The following GPBP1 variants were observed in gnomAD, a reference collection of about 807,000 sequenced individuals.
GPBP1 encodes the protein GC-rich promoter binding protein 1.
A neutral mutation model predicts 56.5 loss-of-function variants in GPBP1; 13 were observed. The observed-to-expected ratio is 0.23, with a 90% CI of 0.15 to 0.37. GPBP1 has a LOEUF of 0.37. GPBP1 is among the 10% of genes least tolerant of loss of function. The probability of loss-of-function intolerance (pLI) is 1.00; values close to 1 mark genes in which losing one functional copy is unlikely to be tolerated. For missense variants in GPBP1, 477 were observed against 572.3 expected (o/e 0.83, Z 1.70); for synonymous variants, 204 against 188.9 (o/e 1.08, Z -0.66).
chr5:57,193,765 A>G (rs1213479166), intron 2 of GPBP1, among the ~76,000 whole-genome samples: 2 of 152,012 alleles, frequency 1.3e-5, no homozygotes, highest in Non-Finnish European at 2.9e-5. Context: ...TCAGTTTCAG[A>G]AAAAAAATGG....
At chr5:57,200,858 T>G (rs1364360431) in intron 2 of GPBP1, among the ~76,000 whole-genome samples, 1 of 152,090 alleles carries the variant, frequency 6.6e-6, no homozygotes, top group Non-Finnish European at 1.5e-5. Context: ...GTTTATATTT[T>G]TAGTAGAGAT....
intron 2 of GPBP1, among the ~76,000 whole-genome samples, chr5:57,182,358 A>G (rs1274308682): frequency 6.7e-6 from 1 of 150,150 alleles, no homozygotes; most frequent in East Asian, 2.0e-4. Context: ...TGCTGGGATT[A>G]TAGCCATGAG....
At chr5:57,249,325 T>C (rs1741250359) in intron 8 of GPBP1, 84 bp from the exon 9 acceptor site, 3 of 1,002,574 alleles carry the variant, frequency 3.0e-6, no homozygotes, top group Non-Finnish European at 4.4e-6. Context: ...AAAGGTAAAA[T>C]AGGAAGCTGT....
chr5:57,177,993 G>A (rs1043499371), intron 2 of GPBP1, among the ~76,000 whole-genome samples: 3 of 151,844 alleles, frequency 2.0e-5, no homozygotes, highest in Non-Finnish European at 4.4e-5. Context: ...GTTTCCCTTT[G>A]TTATAATAGA....
chr5:57,232,875 T>C (rs1756518889), intron 5 of GPBP1, among the ~76,000 whole-genome samples: 1 of 152,182 alleles, frequency 6.6e-6, no homozygotes, highest in South Asian at 2.1e-4. Flanking sequence ...AACATAGGCA[T>C]GAGTCATCAT....
At chr5:57,211,808 G>T (rs2111752264) in intron 2 of GPBP1, among the ~76,000 whole-genome samples, 1 of 151,926 alleles carries the variant, frequency 6.6e-6, no homozygotes. Flanking sequence ...CCAACCTCAG[G>T]TGATCTGCCC....
Position 57,193,676 on chromosome 5 carries a change from C to T in GPBP1, c.-58+17276C>T, listed in dbSNP as rs190027748. On this transcript the variant is annotated intron_variant, in intron 2 of 11. Coordinates refer to ENST00000506184, the MANE Select transcript of GPBP1 (RefSeq NM_022913.4). ...CTGTCTTTGTTAGTGCTATCTGGTT[C>T]GTAGGATTAGGCGTGTTTAAAAAAT... is the stretch of plus-strand genomic sequence containing the variant. Among the ~76,000 whole-genome samples the T allele has an allele frequency of 2.0e-3, 291 of 147,356 alleles. 1 individual carries two copies. Among genetic ancestry groups the T allele is most frequent in the Admixed American group, 3.7e-3 (54 of 14,722 alleles).
intron 3 of GPBP1, among the ~76,000 whole-genome samples, chr5:57,218,715 TCTA>T (rs1755802713): frequency 6.6e-6 from 1 of 152,318 alleles, no homozygotes; most frequent in Non-Finnish European, 1.5e-5. Flanking sequence ...TCCGCCTGCC[TCTA>T]CCTCCCAGTG....
At chr5:57,198,771 C>G (rs1754874512) in intron 2 of GPBP1, among the ~76,000 whole-genome samples, 1 of 152,136 alleles carries the variant, frequency 6.6e-6, no homozygotes, top group Non-Finnish European at 1.5e-5. Flanking sequence ...TTGCTTGAAC[C>G]TCGGTGGCAG....
chr5:57,237,450 A>G (rs1740576138), intron 6 of GPBP1: 1 of 361,954 alleles, frequency 2.8e-6, no homozygotes, highest in East Asian at 4.7e-5. Flanking sequence ...TATTAATATG[A>G]AGATTTTGGT....
At position 57,206,230 on chromosome 5, in the gene GPBP1, A is replaced by G. The variant is rs77524340; in HGVS notation, c.-57-7844A>G. ...TTTTTTGCACATGTTTTAAATTTTCATGAAGTTCAGTTTTTGTTTTCTTTT... is the reference window on the plus strand; with the variant it reads ...TTTTTTGCACATGTTTTAAATTTTCGTGAAGTTCAGTTTTTGTTTTCTTTT... On this transcript the variant is annotated intron_variant, in intron 2 of 11. Coordinates refer to ENST00000506184, the MANE Select transcript of GPBP1 (RefSeq NM_022913.4). Among the ~76,000 whole-genome samples, 949 of 152,088 alleles carry G rather than the reference A, an allele frequency of 6.2e-3. 4 individuals are homozygous for G. Among genetic ancestry groups the G allele is most frequent in the Non-Finnish European group, 0.01 (711 of 67,994 alleles).
intron 3 of GPBP1, among the ~76,000 whole-genome samples, chr5:57,218,022 A>G (rs1246881665): frequency 3.3e-5 from 5 of 152,074 alleles, no homozygotes; most frequent in African/African-American, 9.7e-5. Context: ...AGTAATTCCT[A>G]TAGGTGTTTT....
At chr5:57,186,579 G>T (rs970864219) in intron 2 of GPBP1, among the ~76,000 whole-genome samples, 2 of 151,866 alleles carry the variant, frequency 1.3e-5, no homozygotes, top group Admixed American at 1.3e-4. Context: ...TCACTTTTTG[G>T]GGGGTGGGGT....
intron 2 of GPBP1, among the ~76,000 whole-genome samples, chr5:57,207,541 G>T (rs1755282923): frequency 6.6e-6 from 1 of 152,178 alleles, no homozygotes; most frequent in Admixed American, 6.5e-5. Context: ...TGTGTTACAG[G>T]GTGCCCTTTT....
At chr5:57,247,766 G>A (rs1234784411) in intron 8 of GPBP1, among the ~76,000 whole-genome samples, 2 of 152,112 alleles carry the variant, frequency 1.3e-5, no homozygotes, top group African/African-American at 2.4e-5. Flanking sequence ...GGTGGTAGGA[G>A]GGACAGAGTC....
rs1741096032 is a variant in GPBP1, at chr5:57,246,414, C to T, written c.593C>T (p.Pro198Leu). Residue 198 changes from proline to leucine, a missense_variant, in exon 7 of 12, where the codon CCA (proline) becomes CTA (leucine). Around this residue, in one of 2 missense-constraint regions of GPBP1, gnomAD observed 414 missense variants for 458.2 expected, o/e 0.90. Transcript: ENST00000506184. ...FPVVGNLPSQPVKNGTGPSVY... is the reference protein window; with the variant it reads ...FPVVGNLPSQLVKNGTGPSVY... ...GTAGTAGGAAATCTTCCGTCACAGC[C>T]AGTTAAGAATGGAACTGGTCCAAGT... The T allele has an allele frequency of 6.2e-7, 1 of 1,613,822 alleles. No individual in the cohort carries two copies. Among genetic ancestry groups the T allele is most frequent in the Admixed American group, 1.7e-5 (1 of 59,996 alleles).
chr5:57,181,361 A>G (rs996713702), intron 2 of GPBP1, among the ~76,000 whole-genome samples: 19 of 151,126 alleles, frequency 1.3e-4, no homozygotes, highest in Admixed American at 2.6e-4. Context: ...TAAAGAGATG[A>G]GGCCGGATGC....
intron 2 of GPBP1, among the ~76,000 whole-genome samples, chr5:57,189,987 C>G (rs1579982188): frequency 6.6e-6 from 1 of 152,078 alleles, no homozygotes; most frequent in Non-Finnish European, 1.5e-5. Flanking sequence ...TCTTATTATT[C>G]TATATTATTT....
chr5:57,184,633 G>T (rs921348940), intron 2 of GPBP1, among the ~76,000 whole-genome samples: 7 of 152,102 alleles, frequency 4.6e-5, no homozygotes, highest in Non-Finnish European at 1.0e-4. Flanking sequence ...TTCAACATTG[G>T]GGATCACATT....
Sources: gnomAD v4.1 joint callset for allele counts (sites outside exome capture counted in the v4.1 genomes callset) on GRCh38, gnomAD v4.1.1 for gene constraint, gnomAD v4.1.1 regional missense constraint, MANE v1.5 for transcripts, NCBI Gene and HGNC (gene_info 2026-07-23, HGNC 2026-07-21) for gene names.